CACNB4: variants seen among roughly 807,000 people sequenced by gnomAD.
CACNB4 encodes the protein voltage-dependent L-type calcium channel subunit beta-4.
CACNB4 carries 32 observed loss-of-function variants against 71.2 expected under a neutral mutation model. That is an observed-to-expected ratio of 0.45 (90% CI 0.34 to 0.60). CACNB4 has a LOEUF of 0.60. Among genes scored for constraint, CACNB4 ranks in the 20% least tolerant of loss-of-function variants. CACNB4 has a pLI of 0.01. For synonymous variants in CACNB4, 231 were observed against 236.9 expected (o/e 0.97, Z 0.23); for missense variants, 464 against 647.9 (o/e 0.72, Z 3.08).
intron 2 of CACNB4, among the ~76,000 whole-genome samples, chr2:151,995,011 G>A (rs1444213068): frequency 6.6e-6 from 1 of 152,126 alleles, no homozygotes; most frequent in Non-Finnish European, 1.5e-5. Flanking sequence ...CCAGTTTGAT[G>A]CTGATCAAAC....
At chr2:151,872,606 A>C in intron 5 of CACNB4, 113 bp from the exon 6 acceptor site, 1 of 623,968 alleles carries the variant, frequency 1.6e-6, no homozygotes. Context: ...AAAACACACC[A>C]AATTCTGCTA....
intron 2 of CACNB4, among the ~76,000 whole-genome samples, chr2:151,924,853 G>C (rs1281968248): frequency 1.3e-5 from 2 of 152,072 alleles, no homozygotes; most frequent in African/African-American, 4.8e-5. Flanking sequence ...CGGTTGAGGT[G>C]TGGTAAGGAT....
intron 2 of CACNB4, among the ~76,000 whole-genome samples, chr2:152,020,757 G>A (rs182352668): frequency 1.8e-4 from 27 of 152,284 alleles, no homozygotes; most frequent in African/African-American, 2.9e-4. Context: ...AGCACACCCA[G>A]AGGAGGAAGC....
chr2:151,855,346 A>G lies in CACNB4; in HGVS notation c.898T>C (p.Phe300Leu). Residue 300 changes from phenylalanine (F) to leucine (L), a missense_variant, in exon 11 of 14, where the codon TTT (phenylalanine) becomes CTT (leucine). By Grantham distance (22) the Phe-to-Leu change is conservative (BLOSUM62 0). Coordinates refer to ENST00000539935, the MANE Select transcript of CACNB4 (RefSeq NM_000726.5). ...AEVQSEIERI[F>L]ELARSLQLVV... ...AGTTGCAAAGATCTTGCCAACTCAA[A>G]GATTCTTTCAATTTCACTTTGTACT... The G allele has an allele frequency of 1.3e-6, 2 of 1,596,964 alleles. No individual in the cohort carries two copies. Among genetic ancestry groups the G allele is most frequent in the Non-Finnish European group, 1.7e-6 (2 of 1,166,348 alleles).
At chr2:152,062,013 AAATAATAATAATAATAATAAT>A (rs10664776) in intron 2 of CACNB4, among the ~76,000 whole-genome samples, 9 of 141,182 alleles carry the variant, frequency 6.4e-5, no homozygotes, top group African/African-American at 2.3e-4. Flanking sequence ...TTCCATCTCA[AAATAATAATAATAATAATAAT>A]AATAATAATA....
intron 3 of CACNB4, among the ~76,000 whole-genome samples, 195 bp from the exon 4 acceptor site, chr2:151,881,117 AT>A (rs2099847716): frequency 6.6e-6 from 1 of 152,086 alleles, no homozygotes; most frequent in Non-Finnish European, 1.5e-5. Flanking sequence ...CAGCCCAACC[AT>A]TTTTCCTTTC....
At position 152,098,230 on chromosome 2, in the gene CACNB4, AC is replaced by A; in HGVS notation, c.147+99del. 1 of 907,768 alleles carries A rather than the reference AC, an allele frequency of 1.1e-6. No homozygotes were observed. The highest frequency in any genetic ancestry group is 1.4e-5 in the South Asian group (1 of 69,876). 56.2% of individuals were successfully genotyped at this position (907,768 alleles called of 1,614,324 possible). A position where few individuals can be genotyped will look rare whatever the true frequency, so the allele number is the denominator to read the frequency against. On this transcript the variant is annotated intron_variant, in intron 2 of 13. Transcript: ENST00000539935. This position sits in a 1 kb window ranked among gnomAD's most constrained non-coding sequence, Gnocchi z 5.3. ...CCGGGAAGAGACGCGCGCGGGCTTG[AC>A]CCGCAGCTCCCGCACGTGTGGGCCA...
chr2:151,934,277 T>C (rs2099862374), intron 2 of CACNB4, among the ~76,000 whole-genome samples: 1 of 152,220 alleles, frequency 6.6e-6, no homozygotes, highest in African/African-American at 2.4e-5. Context: ...AGGAAGTGAA[T>C]GTCGCCGCTT....
At chr2:152,046,415 C>T (rs1685144518) in intron 2 of CACNB4, among the ~76,000 whole-genome samples, 1 of 152,230 alleles carries the variant, frequency 6.6e-6, no homozygotes, top group Non-Finnish European at 1.5e-5. Flanking sequence ...AGAACAATCA[C>T]TAAGATGATA....
intron 2 of CACNB4, among the ~76,000 whole-genome samples, chr2:152,022,714 T>G (rs1161718142): frequency 6.6e-6 from 1 of 152,248 alleles, no homozygotes; most frequent in Non-Finnish European, 1.5e-5. Flanking sequence ...TGATTTTTCC[T>G]TAATGAAATA....
chr2:152,054,635 C>G (rs1428627023), intron 2 of CACNB4, among the ~76,000 whole-genome samples: 4 of 152,224 alleles, frequency 2.6e-5, no homozygotes, highest in South Asian at 2.1e-4. Context: ...TATACTTAAC[C>G]TTTTCAGAAA....
intron 2 of CACNB4, chr2:151,972,665 G>A (rs944535569): frequency 2.0e-5 from 3 of 151,946 alleles, no homozygotes; most frequent in Non-Finnish European, 4.4e-5. Flanking sequence ...AGACATATAC[G>A]TCTGCATTGA....
At chr2:152,010,278 C>T (rs1015099201) in intron 2 of CACNB4, among the ~76,000 whole-genome samples, 1 of 152,156 alleles carries the variant, frequency 6.6e-6, no homozygotes, top group Admixed American at 6.5e-5. Flanking sequence ...TTACAGCTAG[C>T]ATTTCTTCTT....
chr2:152,059,479 G>C (rs1182172738), intron 2 of CACNB4, among the ~76,000 whole-genome samples: 1 of 152,216 alleles, frequency 6.6e-6, no homozygotes, highest in Non-Finnish European at 1.5e-5. Context: ...AAGATTTAAT[G>C]ACTGCCCTGT....
intron 2 of CACNB4, among the ~76,000 whole-genome samples, chr2:151,896,775 G>A (rs759354562): frequency 1.2e-4 from 19 of 152,194 alleles, no homozygotes; most frequent in African/African-American, 4.1e-4. Flanking sequence ...TTTGGAACTA[G>A]GAAATAGGGT....
chr2:151,995,955 T>C (rs988393415), intron 2 of CACNB4, among the ~76,000 whole-genome samples: 1 of 152,208 alleles, frequency 6.6e-6, no homozygotes, highest in Non-Finnish European at 1.5e-5. Flanking sequence ...TCAAAGCAGT[T>C]CAAAGTCTGC....
At chr2:152,079,790 A>G (rs577587582) in intron 2 of CACNB4, among the ~76,000 whole-genome samples, 1 of 152,286 alleles carries the variant, frequency 6.6e-6, no homozygotes, top group East Asian at 1.9e-4. Context: ...TGTCTCAAAA[A>G]AATAAAAAAA....
intron 2 of CACNB4, among the ~76,000 whole-genome samples, chr2:151,912,569 A>G (rs2099856459): frequency 6.6e-6 from 1 of 151,884 alleles, no homozygotes; most frequent in South Asian, 2.1e-4. Flanking sequence ...CATTTGCTGA[A>G]GTGTTTTACT....
intron 2 of CACNB4, among the ~76,000 whole-genome samples, chr2:152,037,235 C>T (rs1684642347): frequency 6.6e-6 from 1 of 152,190 alleles, no homozygotes; most frequent in Admixed American, 6.5e-5. Flanking sequence ...CTCCTTTGAA[C>T]AAGTACTCAA....
Sources: allele counts gnomAD v4.1 joint callset (sites outside exome capture counted in the v4.1 genomes callset), GRCh38; gene constraint gnomAD v4.1.1; non-coding constraint Gnocchi (gnomAD v3.1); transcripts MANE v1.5; gene names NCBI Gene and HGNC (gene_info 2026-07-23, HGNC 2026-07-21).